Variants in MLIP observed in about 807,000 individuals in gnomAD.
MLIP encodes muscular LMNA interacting protein.
In MLIP, 79 loss-of-function variants were observed where a neutral mutation model predicts 84.8. The observed-to-expected ratio is 0.93, with a 90% confidence interval of 0.78 to 1.12. The LOEUF is 1.12. Among genes scored for constraint, MLIP ranks in the 50% most tolerant of loss-of-function variants. The pLI, the probability that MLIP is intolerant of heterozygous loss-of-function variation, is 0.00. For synonymous variants in MLIP, 504 were observed against 463.0 expected, an observed-to-expected ratio of 1.09 and a Z score of -1.14; for missense variants, 1,257 against 1,160.6, an observed-to-expected ratio of 1.08 and a Z score of -1.21.
rs1770441888 is a variant in MLIP at position 54,121,439 on chromosome 6, T to A, written c.97-8T>A. The A allele has an allele frequency of 3.1e-6, 5 of 1,613,378 alleles. No homozygotes were observed. Among genetic ancestry groups the A allele is most frequent in the Non-Finnish European group, 3.4e-6 (4 of 1,179,878 alleles). The stretch of plus-strand genomic sequence containing the variant: ...GGCTGAAAGTCTAATTAACTACATG[T>A]CTCATAGGTCTCTGCTGGTGGTTCT... On this transcript the variant is annotated splice_polypyrimidine_tract_variant and splice_region_variant and intron_variant, in intron 1 of 13. Coordinates refer to ENST00000502396, the MANE Select transcript of MLIP (RefSeq NM_001281747.2).
intron 11 of MLIP, among the ~76,000 whole-genome samples, chr6:54,220,307 A>G (rs1780135756): frequency 6.6e-6 from 1 of 152,202 alleles, no homozygotes; most frequent in Non-Finnish European, 1.5e-5. Context: ...AAGGTCATGA[A>G]GCTGTGCAAT....
At chr6:54,054,762 T>G (rs1214373316) in intron 1 of MLIP, among the ~76,000 whole-genome samples, 1 of 152,166 alleles carries the variant, frequency 6.6e-6, no homozygotes, top group Non-Finnish European at 1.5e-5. Flanking sequence ...TAAAGCATCT[T>G]TTCTCTAACG....
chr6:54,264,167 C>T (rs1339537499), intron 13 of MLIP, among the ~76,000 whole-genome samples: 6 of 151,866 alleles, frequency 4.0e-5, no homozygotes, highest in Non-Finnish European at 8.8e-5. Context: ...GGATGATCTG[C>T]CTATGGTGCT....
In MLIP at chr6:54,124,559, T is replaced by A; in HGVS notation, c.339T>A (p.Ser113Arg). ...QAKLTCPSEVSGTILQEREFE... is the reference protein window; with the variant it reads ...QAKLTCPSEVRGTILQEREFE... ...AATTGACTTGTCCTTCAGAGGTCAG[T>A]GGAACGATTTTACAAGAAAGGGAAT... Residue 113 changes from serine (S) to arginine (R), a missense_variant, in exon 3 of 14, where the codon AGT becomes AGA. Coordinates refer to ENST00000502396, the MANE Select transcript of MLIP (RefSeq NM_001281747.2). 1 of 1,614,148 alleles carries A rather than the reference T, an allele frequency of 6.2e-7. No individual in the cohort carries two copies. Among genetic ancestry groups the A allele is most frequent in the Non-Finnish European group, 8.5e-7 (1 of 1,180,024 alleles).
intron 11 of MLIP, chr6:54,215,043 A>G (rs1779753544): frequency 3.7e-6 from 3 of 805,248 alleles, no homozygotes; most frequent in Non-Finnish European, 5.9e-6. Flanking sequence ...TAAGTTCTCA[A>G]TATTCTGGAC....
At chr6:54,186,841 A>C (rs1354346935) in intron 9 of MLIP, among the ~76,000 whole-genome samples, 1 of 152,148 alleles carries the variant, frequency 6.6e-6, no homozygotes, top group Non-Finnish European at 1.5e-5. Context: ...TATCAAGGTT[A>C]GAATACTAAA....
intron 11 of MLIP, among the ~76,000 whole-genome samples, chr6:54,214,012 G>C (rs1779679884): frequency 6.6e-6 from 1 of 152,222 alleles, no homozygotes; most frequent in Admixed American, 6.5e-5. Flanking sequence ...CTTTTATAAA[G>C]ATAATCCTAT....
intron 4 of MLIP, among the ~76,000 whole-genome samples, chr6:54,147,087 T>C (rs1431667504): frequency 3.3e-5 from 5 of 152,196 alleles, no homozygotes; most frequent in African/African-American, 1.2e-4. Flanking sequence ...TTAGATATTG[T>C]TATTATGATT....
chr6:54,162,722 G>A (rs1436295255), intron 8 of MLIP, among the ~76,000 whole-genome samples: 1 of 151,976 alleles, frequency 6.6e-6, no homozygotes, highest in Non-Finnish European at 1.5e-5. Flanking sequence ...ATAGTGGCAG[G>A]CAGAGGGTTA....
At chr6:54,234,312 G>T (rs962421251) in intron 12 of MLIP, among the ~76,000 whole-genome samples, 1 of 152,016 alleles carries the variant, frequency 6.6e-6, no homozygotes, top group Non-Finnish European at 1.5e-5. Flanking sequence ...TACCTTATTA[G>T]AGTATTATGA....
At chr6:54,142,792 A>G (rs555926216) in intron 4 of MLIP, among the ~76,000 whole-genome samples, 1 of 152,166 alleles carries the variant, frequency 6.6e-6, no homozygotes, top group African/African-American at 2.4e-5. Context: ...GTGAGTGATG[A>G]TGGTGGCTAT....
At chr6:54,241,949 T>C (rs1428259912) in intron 12 of MLIP, among the ~76,000 whole-genome samples, 1 of 152,198 alleles carries the variant, frequency 6.6e-6, no homozygotes, top group Admixed American at 6.5e-5. Flanking sequence ...TCTATTAGAA[T>C]AGTGAGGGAG....
At chr6:54,197,312 T>G (rs2150699784) in intron 10 of MLIP, among the ~76,000 whole-genome samples, 1 of 152,146 alleles carries the variant, frequency 6.6e-6, no homozygotes, top group Non-Finnish European at 1.5e-5. Context: ...TATACTGTGG[T>G]TATCTTATGA....
intron 1 of MLIP, among the ~76,000 whole-genome samples, chr6:54,026,197 A>G (rs1021989662): frequency 4.6e-5 from 7 of 152,152 alleles, no homozygotes; most frequent in Admixed American, 2.0e-4. Flanking sequence ...GATGTCAATA[A>G]GAGGATTATA....
At chr6:54,261,793 T>G in intron 13 of MLIP, 1 of 954,208 alleles carries the variant, frequency 1.0e-6, no homozygotes, top group South Asian at 4.8e-5. Context: ...AATAAAATTA[T>G]CAAGAGAAAA....
intron 11 of MLIP, among the ~76,000 whole-genome samples, chr6:54,206,553 C>A (rs1190054058): frequency 6.6e-6 from 1 of 152,054 alleles, no homozygotes; most frequent in East Asian, 1.9e-4. Context: ...TTCCTCTGTG[C>A]TACCTCACAG....
intron 1 of MLIP, among the ~76,000 whole-genome samples, chr6:54,086,688 AG>A (rs1484515478): frequency 6.6e-6 from 1 of 152,120 alleles, no homozygotes; most frequent in Non-Finnish European, 1.5e-5. Flanking sequence ...GCTCTTCCCC[AG>A]GGTCATTTTC....
intron 9 of MLIP, among the ~76,000 whole-genome samples, chr6:54,172,556 A>T (rs957306692): frequency 6.6e-6 from 1 of 151,692 alleles, no homozygotes; most frequent in African/African-American, 2.4e-5. Flanking sequence ...GAACCCATTG[A>T]TGTTAAAACC....
chr6:54,082,299 A>G (rs992800702), intron 1 of MLIP, among the ~76,000 whole-genome samples: 20 of 152,188 alleles, frequency 1.3e-4, no homozygotes, highest in Non-Finnish European at 2.1e-4. Flanking sequence ...AAAAACATCA[A>G]TAAAATATTC....
Sources: allele counts gnomAD v4.1 joint callset (sites outside exome capture counted in the v4.1 genomes callset), GRCh38; gene constraint gnomAD v4.1.1; transcripts MANE v1.5; gene names NCBI Gene and HGNC (gene_info 2026-07-23, HGNC 2026-07-21).